AFDN: variants seen among roughly 807,000 people sequenced by gnomAD.
AFDN encodes the protein afadin, adherens junction formation factor.
AFDN carries 68 observed loss-of-function variants against 216.6 expected under a neutral mutation model. The ratio of observed to expected loss-of-function variants is 0.31; its 90% CI spans 0.26 to 0.38. AFDN has a LOEUF of 0.38. Among genes scored for constraint, AFDN ranks in the 10% least tolerant of loss-of-function variants. The pLI is 1.00. For synonymous variants in AFDN, 868 were observed against 853.7 expected, an observed-to-expected ratio of 1.02 and a Z score of -0.29; for missense variants, 2,136 against 2,342.0, an observed-to-expected ratio of 0.91 and a Z score of 1.82.
chr6:167,833,780 C>T (rs897363101), intron 1 of AFDN, among the ~76,000 whole-genome samples: 4 of 152,262 alleles, frequency 2.6e-5, no homozygotes, highest in African/African-American at 4.8e-5. Flanking sequence ...AATATGGTCA[C>T]TCTCAGACAC....
At chr6:167,829,642 A>G (rs1395657695) in intron 1 of AFDN, among the ~76,000 whole-genome samples, 2 of 151,928 alleles carry the variant, frequency 1.3e-5, no homozygotes, top group East Asian at 1.9e-4. Context: ...TAATCTTTTT[A>G]TGTGTATGAG....
chr6:167,948,055 A>C (rs1173470442), intron 28 of AFDN, 111 bp downstream of exon 28: 3 of 855,530 alleles, frequency 3.5e-6, no homozygotes, highest in Non-Finnish European at 5.4e-6. Context: ...CATTGATTAT[A>C]ATTTCTAAAT....
chr6:167,852,477 G>A (rs1562553301), intron 1 of AFDN, among the ~76,000 whole-genome samples: 1 of 152,136 alleles, frequency 6.6e-6, no homozygotes, highest in East Asian at 1.9e-4. Context: ...GGCTTTATAA[G>A]CAGTGCTGTG....
Position 167,943,191 on chromosome 6 carries a change from T to C in AFDN, c.3162T>C (p.Asp1054=). 1 of 1,613,068 alleles carries C rather than the reference T, an allele frequency of 6.2e-7. No homozygotes were observed. Among genetic ancestry groups the C allele is most frequent in the South Asian group, 1.1e-5 (1 of 90,946 alleles). The change falls in exon 24 of 34, where the codon GAT becomes GAC. Residue 1054 remains aspartate (D), a synonymous_variant. Coordinates refer to ENST00000683244, the MANE Select transcript of AFDN (RefSeq NM_001386888.1). ...VKSVVKGGAA[D]VDGRLAAGDQ... ...CGGTTGTGAAAGGAGGTGCTGCAGA[T>C]GTGGTCAGTATCATTTTGAAAGAAG...
In AFDN at chr6:167,882,623, C is replaced by T. The variant is rs538786590; in HGVS notation, c.897+2106C>T. On this transcript the variant is annotated intron_variant, in intron 6 of 33. Coordinates refer to ENST00000683244, the MANE Select transcript of AFDN (RefSeq NM_001386888.1). ...TCTCGCCATTGCATTCCAGCCTGGG[C>T]GATGGAGCGAGACTCTGTCTCAAAA... Among the ~76,000 whole-genome samples the T allele has an allele frequency of 5.3e-5, 8 of 152,076 alleles. 1 individual carries two copies. The highest frequency in any genetic ancestry group is 3.3e-4 in the Admixed American group (5 of 15,274).
chr6:167,956,672 C>T (rs1465314074), intron 30 of AFDN, among the ~76,000 whole-genome samples: 1 of 152,210 alleles, frequency 6.6e-6, no homozygotes, highest in African/African-American at 2.4e-5. Flanking sequence ...TTGCACTGCT[C>T]ATCATTCTGC....
chr6:167,948,577 G>A, intron 29 of AFDN, 99 bp downstream of exon 29: 3 of 1,181,460 alleles, frequency 2.5e-6, no homozygotes, highest in Non-Finnish European at 3.5e-6. Flanking sequence ...AGCATTGTTG[G>A]CCTTTTGTTT....
At chr6:167,842,309 C>T (rs933910729) in intron 1 of AFDN, among the ~76,000 whole-genome samples, 1 of 151,914 alleles carries the variant, frequency 6.6e-6, no homozygotes, top group African/African-American at 2.4e-5. Flanking sequence ...CCTTATCTCC[C>T]TTAGTTGACT....
chr6:167,829,603 G>A, intron 1 of AFDN, among the ~76,000 whole-genome samples: 1 of 151,958 alleles, frequency 6.6e-6, no homozygotes, highest in East Asian at 1.9e-4. Flanking sequence ...GTAGAAATAA[G>A]ATTTAAGCCT....
In AFDN at chr6:167,914,246, C is replaced by T; in HGVS notation, c.2137C>T (p.Arg713Ter). ...SELLNFIKQD[R>*]DLSRITLDAQ... The stretch of plus-strand genomic sequence containing the variant: ...ACTTCTCAACTTCATTAAGCAAGAC[C>T]GAGACCTTAGTCGGATCACACTGGA... The change falls in exon 17 of 34, where the codon CGA (arginine) becomes TGA (stop). Residue 713 changes from arginine to a stop codon, truncating the protein, a stop_gained. Transcript: ENST00000683244. LOFTEE classifies it high-confidence loss of function. 1.9e-6 allele frequency: 3 copies of T among 1,614,104 alleles called. No individual in the cohort carries two copies. Among genetic ancestry groups the T allele is most frequent in the Non-Finnish European group, 8.5e-7 (1 of 1,180,014 alleles).
chr6:167,868,942 CTT>C (rs74549296), intron 2 of AFDN, among the ~76,000 whole-genome samples: 1 of 144,630 alleles, frequency 6.9e-6, no homozygotes. Context: ...TCTTCTTCTT[CTT>C]TTTTTTTTTT....
At chr6:167,958,944 A>C (rs1796780141) in intron 30 of AFDN, among the ~76,000 whole-genome samples, 2 of 152,286 alleles carry the variant, frequency 1.3e-5, no homozygotes, top group Non-Finnish European at 2.9e-5. Flanking sequence ...TCAGAGCCAC[A>C]GTGTAGTCAC....
At chr6:167,896,763 A>G in intron 9 of AFDN, 115 bp from the exon 10 acceptor site, 1 of 573,908 alleles carries the variant, frequency 1.7e-6, no homozygotes, top group Non-Finnish European at 3.0e-6. Flanking sequence ...TTTTTTGAAA[A>G]GAAATCCTGA....
chr6:167,860,849 T>G (rs1458806857), intron 1 of AFDN, among the ~76,000 whole-genome samples: 1 of 152,222 alleles, frequency 6.6e-6, no homozygotes, highest in Non-Finnish European at 1.5e-5. Flanking sequence ...TAGGTGATGG[T>G]CTCAAGTCAC....
chr6:167,898,394 A>G lies in AFDN; in HGVS notation c.1507A>G (p.Ser503Gly), dbSNP rs1788542930. The G allele has an allele frequency of 6.2e-7, 1 of 1,614,082 alleles. No individual in the cohort carries two copies. Among genetic ancestry groups the G allele is most frequent in the Non-Finnish European group, 8.5e-7 (1 of 1,180,036 alleles). The stretch of plus-strand genomic sequence containing the variant: ...CCATGTATTTAAGTTTGTGGACCCC[A>G]GTCAGGATCATGCTCTTGCAAAAAG... ...ASHVFKFVDP[S>G]QDHALAKRSV... Residue 503 changes from serine (S) to glycine (G), a missense_variant, in exon 11 of 34, where the codon AGT (serine) becomes GGT (glycine). Coordinates refer to ENST00000683244, the MANE Select transcript of AFDN (RefSeq NM_001386888.1).
chr6:167,856,604 A>G (rs1782923793), intron 1 of AFDN, among the ~76,000 whole-genome samples: 1 of 152,126 alleles, frequency 6.6e-6, no homozygotes, highest in Non-Finnish European at 1.5e-5. Context: ...ATAGCCATGT[A>G]TTTGAAGAAA....
chr6:167,875,261 G>C lies in AFDN; in HGVS notation c.579-74G>C, dbSNP rs1285740986. 2.1e-6 allele frequency: 3 copies of C among 1,426,720 alleles called. No individual in the cohort carries two copies. The African/African-American group carries it at 4.3e-5, about 20-fold the overall frequency. 88.4% of individuals were successfully genotyped at this position (1,426,720 alleles called of 1,614,324 possible). ...AATAGCACCTGCCATTTTGATTTTT[G>C]TGCGGTTGCAATGTGTCTATTTCTA... On this transcript the variant is annotated intron_variant, in intron 4 of 33. Transcript: ENST00000683244.
chr6:167,864,162 C>T (rs184905745), intron 1 of AFDN, among the ~76,000 whole-genome samples: 6 of 152,130 alleles, frequency 3.9e-5, no homozygotes, highest in Non-Finnish European at 7.4e-5. Context: ...GCTCGAGCAC[C>T]GAACTCAACT....
chr6:167,848,759 G>A (rs1400283588), intron 1 of AFDN, among the ~76,000 whole-genome samples: 1 of 152,098 alleles, frequency 6.6e-6, no homozygotes, highest in Non-Finnish European at 1.5e-5. Flanking sequence ...ATTTCAATTT[G>A]TTACCCTGAT....
Sources: gnomAD v4.1 joint callset for allele counts (sites outside exome capture counted in the v4.1 genomes callset) on GRCh38, gnomAD v4.1.1 for gene constraint, MANE v1.5 for transcripts, NCBI Gene and HGNC (gene_info 2026-07-23, HGNC 2026-07-21) for gene names.